CNIH3: variants seen among roughly 807,000 people sequenced by gnomAD.
CNIH3 encodes the protein protein cornichon homolog 3.
Under a neutral mutation model 24.1 loss-of-function variants are expected in CNIH3, and 14 were observed. That is an observed-to-expected ratio of 0.58 (90% confidence interval 0.38 to 0.91). The LOEUF (loss-of-function observed/expected upper bound fraction) is 0.91. CNIH3 is among the 40% of genes least tolerant of loss of function. The pLI is 0.00. For synonymous variants in CNIH3, 68 were observed against 73.8 expected (o/e 0.92, Z 0.40); for missense variants, 178 against 196.8 (o/e 0.90, Z 0.57).
chr1:224,739,150 G>A (rs1689744351), intron 5 of CNIH3, among the ~76,000 whole-genome samples, 179 bp from the exon 6 acceptor site: 1 of 152,120 alleles, frequency 6.6e-6, no homozygotes, highest in Non-Finnish European at 1.5e-5. Flanking sequence ...CAGTGTTGTG[G>A]GAAGTAGAAG....
intron 2 of CNIH3, among the ~76,000 whole-genome samples, chr1:224,530,976 T>A (rs952813618): frequency 7.2e-5 from 11 of 152,100 alleles, no homozygotes; most frequent in African/African-American, 1.7e-4. Flanking sequence ...CCCCCTAGGA[T>A]AAAATAAAGC....
chr1:224,723,568 A>G (rs1302770251), intron 3 of CNIH3, among the ~76,000 whole-genome samples: 1 of 152,230 alleles, frequency 6.6e-6, no homozygotes, highest in Non-Finnish European at 1.5e-5. Context: ...TCTGCCCTTC[A>G]TGCCGTCACT....
At chr1:224,699,360 AC>A (rs1029898271) in intron 3 of CNIH3, among the ~76,000 whole-genome samples, 8 of 152,224 alleles carry the variant, frequency 5.3e-5, no homozygotes, top group African/African-American at 1.9e-4. Context: ...AGGACACTGT[AC>A]CCCCTTCTCC....
intron 1 of CNIH3, among the ~76,000 whole-genome samples, chr1:224,441,815 TA>T (rs1308681601): frequency 6.6e-6 from 1 of 152,144 alleles, no homozygotes; most frequent in East Asian, 1.9e-4. Flanking sequence ...TGCTCTTTAC[TA>T]AATAATACTA....
At chr1:224,648,424 A>G (rs1451735673) in intron 1 of CNIH3, among the ~76,000 whole-genome samples, 5 of 151,856 alleles carry the variant, frequency 3.3e-5, no homozygotes, top group African/African-American at 1.2e-4. Flanking sequence ...AAAAAAAAAA[A>G]AAAAAGAAAA....
intron 1 of CNIH3, among the ~76,000 whole-genome samples, chr1:224,519,476 G>A (rs1222023532): frequency 1.3e-5 from 2 of 151,982 alleles, no homozygotes; most frequent in East Asian, 1.9e-4. Flanking sequence ...CTATGATTGC[G>A]GGAGTTCTCA....
intron 1 of CNIH3, among the ~76,000 whole-genome samples, chr1:224,652,608 A>G (rs1037699890): frequency 2.6e-5 from 4 of 152,122 alleles, no homozygotes; most frequent in African/African-American, 7.2e-5. Context: ...TAGGTGTTCC[A>G]GGTATGGCGA....
intron 1 of CNIH3, among the ~76,000 whole-genome samples, chr1:224,498,422 T>C (rs1226548389): frequency 6.6e-6 from 1 of 152,142 alleles, no homozygotes; most frequent in African/African-American, 2.4e-5. Flanking sequence ...AGTCAAAAGC[T>C]TATATGCAAC....
At chr1:224,726,979 G>A (rs1372373788) in intron 3 of CNIH3, among the ~76,000 whole-genome samples, 1 of 152,220 alleles carries the variant, frequency 6.6e-6, no homozygotes. Flanking sequence ...TTGCTTAGAA[G>A]CTTTAGGGGT....
intron 4 of CNIH3, among the ~76,000 whole-genome samples, chr1:224,571,589 G>C (rs1329601313): frequency 6.6e-6 from 1 of 152,114 alleles, no homozygotes; most frequent in African/African-American, 2.4e-5. Context: ...ACCGGGCATG[G>C]TGCTGGGCGC....
At chr1:224,452,213 G>A (rs1675429256) in intron 1 of CNIH3, among the ~76,000 whole-genome samples, 1 of 149,376 alleles carries the variant, frequency 6.7e-6, no homozygotes. Flanking sequence ...GCGGTGGCGC[G>A]ATCTCGGTTC....
chr1:224,693,001 A>G (rs181789546), intron 3 of CNIH3, among the ~76,000 whole-genome samples: 22 of 152,300 alleles, frequency 1.4e-4, no homozygotes, highest in Admixed American at 1.2e-3. Flanking sequence ...TTCTAATTTC[A>G]TTTAACTTCT....
At chr1:224,627,767 C>T (rs896609206) in intron 1 of CNIH3, among the ~76,000 whole-genome samples, 2 of 152,116 alleles carry the variant, frequency 1.3e-5, no homozygotes, top group African/African-American at 2.4e-5. Context: ...CTCAGGGGCC[C>T]GGGGTGCTGT....
At chr1:224,443,687 CTATAGA>C (rs1228903455) in intron 1 of CNIH3, among the ~76,000 whole-genome samples, 7 of 91,240 alleles carry the variant, frequency 7.7e-5, no homozygotes, top group Non-Finnish European at 1.5e-4. Context: ...AGATAGATAT[CTATAGA>C]TATAGATATA....
chr1:224,502,343 A>G (rs1677710522), intron 1 of CNIH3, among the ~76,000 whole-genome samples: 1 of 152,220 alleles, frequency 6.6e-6, no homozygotes, highest in East Asian at 1.9e-4. Context: ...TAGAGACTCC[A>G]TGTGGACAGC....
At chr1:224,622,560 T>C (rs936854225) in intron 1 of CNIH3, among the ~76,000 whole-genome samples, 1 of 152,206 alleles carries the variant, frequency 6.6e-6, no homozygotes, top group Non-Finnish European at 1.5e-5. Flanking sequence ...AGGAGAGAAG[T>C]GTGCAGAATT....
intron 1 of CNIH3, among the ~76,000 whole-genome samples, chr1:224,665,120 T>G (rs1295304088): frequency 6.6e-6 from 1 of 152,188 alleles, no homozygotes. Flanking sequence ...TACATTCCGT[T>G]AGTTAATTAG....
chr1:224,572,634 T>G (rs1244237042), intron 4 of CNIH3, among the ~76,000 whole-genome samples: 1 of 151,948 alleles, frequency 6.6e-6, no homozygotes, highest in African/African-American at 2.4e-5. Flanking sequence ...GATAGGGTTT[T>G]TTTTTTTTTT....
chr1:224,616,623 A>T lies in CNIH3; in HGVS notation c.-552A>T. On this transcript the variant is annotated 5_prime_UTR_variant, in exon 1 of 6. Transcript: ENST00000272133. ...CTACCTAAAGACTCCTTCTCTCGGG[A>T]AAGAGCGCTGCCCGGCTCTGGGATT... 1.0e-6 allele frequency: 1 copy of T among 987,218 alleles called. No individual in the cohort carries two copies. Among genetic ancestry groups the T allele is most frequent in the Admixed American group, 6.1e-5 (1 of 16,360 alleles). 61.2% of individuals were successfully genotyped at this position (987,218 alleles called of 1,614,324 possible).
Sources: gnomAD v4.1 joint callset for allele counts (sites outside exome capture counted in the v4.1 genomes callset) on GRCh38, gnomAD v4.1.1 for gene constraint, MANE v1.5 for transcripts, NCBI Gene and HGNC (gene_info 2026-07-23, HGNC 2026-07-21) for gene names.